OC90: variants seen among roughly 807,000 people sequenced by gnomAD.
OC90 encodes the protein otoconin-90.
OC90 carries 46 observed loss-of-function variants against 47.3 expected under a neutral mutation model. That is an observed-to-expected ratio of 0.97 (90% CI 0.77 to 1.24). The LOEUF is 1.24. Ranked by LOEUF, OC90 falls within the 50% of genes most tolerant of loss-of-function variation. The pLI, the probability that OC90 is intolerant of heterozygous loss-of-function variation, is 0.00. For synonymous variants in OC90, 271 were observed against 219.5 expected, an observed-to-expected ratio of 1.23 and a Z score of -2.07; for missense variants, 688 against 583.9, an observed-to-expected ratio of 1.18 and a Z score of -1.84.
intron 13 of OC90, among the ~76,000 whole-genome samples, chr8:132,027,522 G>A (rs1043604879): frequency 6.6e-6 from 1 of 152,230 alleles, no homozygotes; most frequent in African/African-American, 2.4e-5. Context: ...AACTCTTATA[G>A]GGCCTCTGTG....
intron 9 of OC90, chr8:132,036,237 T>C (rs962816464): frequency 5.2e-5 from 33 of 639,554 alleles, no homozygotes; most frequent in Non-Finnish European, 8.2e-5. Flanking sequence ...ACATATTCTG[T>C]AAAATGGGTA....
chr8:132,029,117 C>T lies in OC90; in HGVS notation c.1094G>A (p.Arg365Lys). 6.2e-7 allele frequency: 1 copy of T among 1,613,996 alleles called. No homozygotes were observed. The highest frequency in any genetic ancestry group is 1.3e-5 in the African/African-American group (1 of 75,056). Reference sequence around the variant, plus strand: ...ACACACCACCGGTGACCAAGGAAGCCTCTCAAGCAGGCAGCCCAGCCTTCT... The same window carrying T: ...ACACACCACCGGTGACCAAGGAAGCTTCTCAAGCAGGCAGCCCAGCCTTCT... Reference protein sequence around the residue: ...QVRRLGCLLERLPWSPVVCVD... With the variant: ...QVRRLGCLLEKLPWSPVVCVD... The change falls in exon 13 of 14, where the codon AGG (arginine) becomes AAG (lysine). Residue 365 changes from arginine (R) to lysine (K), a missense_variant. Coordinates refer to ENST00000254627, the MANE Select transcript of OC90 (RefSeq NM_001080399.3).
intron 13 of OC90, among the ~76,000 whole-genome samples, chr8:132,026,284 G>T (rs1275390159): frequency 2.0e-5 from 3 of 151,768 alleles, no homozygotes; most frequent in Non-Finnish European, 4.4e-5. Flanking sequence ...GGTTTTCAAT[G>T]AAGCTAAGGG....
In OC90 at chr8:132,039,247, A is replaced by G. The variant is rs182016646; in HGVS notation, c.458-124T>C. ...AAATCCCACTCCCCTTGCAATCTCC[A>G]TCTCATTCATGTCAGCTCTTATCTC... On this transcript the variant is annotated intron_variant, in intron 6 of 13. Transcript: ENST00000254627. 4.2e-5 allele frequency: 42 copies of G among 997,946 alleles called. No individual in the cohort carries two copies. The East Asian group carries it at 1.0e-3, about 24-fold the overall frequency. 61.8% of individuals were successfully genotyped at this position (997,946 alleles called of 1,614,324 possible).
intron 2 of OC90, 25 bp from the exon 3 acceptor site, chr8:132,045,908 G>A: frequency 7.2e-7 from 1 of 1,381,272 alleles, no homozygotes; most frequent in South Asian, 1.2e-5. Flanking sequence ...GAGAAAGTAG[G>A]GTAAGCACAA....
chr8:132,038,976 G>C lies in OC90; in HGVS notation c.586+19C>G. ...CCAGATCCTCAGCCCCACGGCTGAT[G>C]CAGCCAGGTTCTTCCTACCTGGAGT... On this transcript the variant is annotated intron_variant, in intron 7 of 13. Transcript: ENST00000254627. The C allele has an allele frequency of 6.2e-7, 1 of 1,613,910 alleles. No individual in the cohort carries two copies. Among genetic ancestry groups the C allele is most frequent in the Non-Finnish European group, 8.5e-7 (1 of 1,179,798 alleles).
intron 2 of OC90, chr8:132,049,940 A>G (rs1823190042): frequency 6.4e-6 from 3 of 470,938 alleles, no homozygotes; most frequent in Non-Finnish European, 1.3e-5. Context: ...TGTCATTAGC[A>G]TTTTCTGTTG....
In OC90 at chr8:132,053,319, G is replaced by A. The variant is rs553339791; in HGVS notation, c.46+1662C>T. Among the ~76,000 whole-genome samples, 6 of 152,218 alleles carry A rather than the reference G, an allele frequency of 3.9e-5. No homozygotes were observed. In the East Asian group the frequency reaches 5.8e-4, roughly 15 times the overall value. ...GGGACTTCAAGGTAAGCACTGTGATGTATGTAATATATTGATATATGTATA... is the reference window on the plus strand; with the variant it reads ...GGGACTTCAAGGTAAGCACTGTGATATATGTAATATATTGATATATGTATA... On this transcript the variant is annotated intron_variant, in intron 2 of 13. Coordinates refer to ENST00000254627, the MANE Select transcript of OC90 (RefSeq NM_001080399.3).
rs368042192 is a variant in OC90 at position 132,034,764 on chromosome 8, G to A, written c.733+17C>T. 1.2e-5 allele frequency: 19 copies of A among 1,584,102 alleles called. No individual in the cohort carries two copies. The highest frequency in any genetic ancestry group is 1.7e-5 in the Admixed American group (1 of 59,368). ...AATGTGTCATGAACATAGGCAGGTG[G>A]AGCCCAGTAGGCTTACCTGGAGGGG... On this transcript the variant is annotated intron_variant, in intron 10 of 13. Transcript: ENST00000254627.
chr8:132,041,488 C>CT, intron 5 of OC90, 37 bp downstream of exon 5: 3 of 1,574,302 alleles, frequency 1.9e-6, no homozygotes, highest in South Asian at 1.2e-5. Flanking sequence ...CATGAGCTCA[C>CT]TTTTTTTGGT....
intron 13 of OC90, among the ~76,000 whole-genome samples, chr8:132,028,692 G>GAAAA: frequency 8.0e-6 from 1 of 125,290 alleles, no homozygotes; most frequent in Non-Finnish European, 1.7e-5. Flanking sequence ...GAAAGAGAAA[G>GAAAA]AAAGAAAGAG....
chr8:132,054,230 G>A (rs574561976), intron 2 of OC90, among the ~76,000 whole-genome samples: 9 of 152,286 alleles, frequency 5.9e-5, no homozygotes, highest in African/African-American at 2.2e-4. Context: ...GGGGCACACA[G>A]GACTCCTCCG....
intron 9 of OC90, 100 bp from the exon 10 acceptor site, chr8:132,034,934 T>C: frequency 2.5e-6 from 2 of 787,518 alleles, no homozygotes. Flanking sequence ...GGCAGCCATG[T>C]GCTCTTCACT....
At position 132,038,905 on chromosome 8, in the gene OC90, G is replaced by T. The variant is rs142380575; in HGVS notation, c.587-74C>A. 2,136 of 1,604,176 alleles carry T rather than the reference G, an allele frequency of 1.3e-3. 3 individuals are homozygous for T. Among genetic ancestry groups the T allele is most frequent in the Non-Finnish European group, 1.7e-3 (1,933 of 1,171,014 alleles). On this transcript the variant is annotated intron_variant, in intron 7 of 13. Transcript: ENST00000254627. ...GGAGGGTTTGAAGATGCTGGACTTG[G>T]CATCTAGAGACATGAAGCAATAATT...
chr8:132,041,919 C>T (rs1823060078), intron 4 of OC90, among the ~76,000 whole-genome samples: 1 of 152,078 alleles, frequency 6.6e-6, no homozygotes. Context: ...CTAGAAAGTT[C>T]TTAAGGAAGG....
At chr8:132,040,853 T>C (rs1190002727) in intron 6 of OC90, among the ~76,000 whole-genome samples, 191 bp downstream of exon 6, 3 of 152,232 alleles carry the variant, frequency 2.0e-5, no homozygotes, top group Non-Finnish European at 4.4e-5. Context: ...AAAACATTTA[T>C]TGTGCCTCTA....
At chr8:132,039,225 T>TGATA in intron 6 of OC90, 102 bp from the exon 7 acceptor site, 1 of 1,273,352 alleles carries the variant, frequency 7.9e-7, no homozygotes, top group Admixed American at 2.0e-5. Context: ...CTGCCAAAAA[T>TGATA]CCCACTCCCC....
chr8:132,040,928 C>A, intron 6 of OC90, 116 bp downstream of exon 6: 2 of 693,810 alleles, frequency 2.9e-6, no homozygotes, highest in Non-Finnish European at 2.6e-6. Context: ...GCCAACGATG[C>A]TGCCAGTGGT....
intron 2 of OC90, among the ~76,000 whole-genome samples, chr8:132,054,532 T>C (rs1163152160): frequency 2.0e-5 from 3 of 152,148 alleles, no homozygotes; most frequent in African/African-American, 7.2e-5. Flanking sequence ...AATTGGCGAA[T>C]ATGTTGGGCA....
Sources: gnomAD v4.1 joint callset for allele counts (sites outside exome capture counted in the v4.1 genomes callset) on GRCh38, gnomAD v4.1.1 for gene constraint, MANE v1.5 for transcripts, NCBI Gene and HGNC (gene_info 2026-07-23, HGNC 2026-07-21) for gene names.